The following GAB4 variants were observed in gnomAD, a reference collection of about 807,000 sequenced individuals.
GAB4 encodes the protein GRB2 associated binding protein family member 4.
In GAB4, 26 loss-of-function variants were observed where a neutral mutation model predicts 51.3. The ratio of observed to expected loss-of-function variants is 0.51; its 90% confidence interval spans 0.37 to 0.70. The LOEUF (loss-of-function observed/expected upper bound fraction) is 0.70. GAB4 is among the 30% of genes least tolerant of loss of function. The pLI, the probability that GAB4 is intolerant of heterozygous loss-of-function variation, is 0.00. For missense variants in GAB4, 759 were observed against 734.6 expected, an observed-to-expected ratio of 1.03 and a Z score of -0.38; for synonymous variants, 329 against 291.2, an observed-to-expected ratio of 1.13 and a Z score of -1.32.
At chr22:16,964,950 A>G in intron 7 of GAB4, 88 bp from the exon 8 acceptor site, 1 of 990,828 alleles carries the variant, frequency 1.0e-6, no homozygotes, top group Non-Finnish European at 1.5e-6. Flanking sequence ...CCCTGACTTC[A>G]AGCATCCAGG....
In GAB4 at chr22:17,007,999, TGGCCACTTCTCGTGCTTCCGCCGGCGG is replaced by T; in HGVS notation, c.89_115del (p.Pro30_Gly38del). 6.2e-7 allele frequency: 1 copy of T among 1,612,554 alleles called. No homozygotes were observed. Among genetic ancestry groups the T allele is most frequent in the South Asian group, 1.1e-5 (1 of 90,730 alleles). On this transcript the variant is annotated inframe_deletion, in exon 1 of 10. Transcript: ENST00000400588. Reference sequence around the variant, plus strand: ...CCTCAGCCAGCCGCTGTACAGCACGTGGCCACTTCTCGTGCTTCCGCCGGCGGGGCCACTTCCGGGCCACGAAGACAA... The same window carrying T: ...CCTCAGCCAGCCGCTGTACAGCACGTGGCCACTTCCGGGCCACGAAGACAA...
Position 16,992,134 on chromosome 22 carries a change from T to C in GAB4, c.217A>G (p.Ser73Gly), listed in dbSNP as rs2060919212. Residue 73 changes from serine (S) to glycine (G), a missense_variant, in exon 2 of 10, where the codon AGC becomes GGC. This residue lies in a region of GAB4 where 88 missense variants were observed against 151.3 expected (regional missense o/e 0.58). Coordinates refer to ENST00000400588, the MANE Select transcript of GAB4 (RefSeq NM_001037814.1). ...TATTCCAGAACATCTGGGTCACTGC[T>C]AGTCTGGCCCCTCCGCAGGATAAAC... ...RWFILRRGQT[S>G]SDPDVLEYYK... The C allele has an allele frequency of 1.9e-6, 3 of 1,613,728 alleles. No homozygotes were observed. The East Asian group carries it at 6.7e-5, about 36-fold the overall frequency.
chr22:16,965,137 G>T, intron 7 of GAB4, 41 bp downstream of exon 7: 12 of 1,482,266 alleles, frequency 8.1e-6, no homozygotes, highest in Non-Finnish European at 1.1e-5. Context: ...CTCCTCCACC[G>T]GCCCGGTCCC....
chr22:16,969,891 C>T (rs2060714715), intron 4 of GAB4, 52 bp downstream of exon 4: 6 of 1,607,690 alleles, frequency 3.7e-6, no homozygotes, highest in East Asian at 2.2e-5. Flanking sequence ...CACCAGGTGG[C>T]CCCCAAACTC....
intron 3 of GAB4, among the ~76,000 whole-genome samples, chr22:16,982,365 T>C (rs1449167383): frequency 6.6e-6 from 1 of 152,170 alleles, no homozygotes; most frequent in East Asian, 1.9e-4. Context: ...AAATCAGTAG[T>C]ATTTCTATAT....
intron 1 of GAB4, among the ~76,000 whole-genome samples, chr22:17,006,228 A>T (rs2061038631): frequency 6.6e-6 from 1 of 152,204 alleles, no homozygotes; most frequent in Admixed American, 6.5e-5. Flanking sequence ...ACAGACACTT[A>T]ACAGAAGAAG....
intron 1 of GAB4, among the ~76,000 whole-genome samples, chr22:17,001,687 G>A (rs1048567513): frequency 6.6e-6 from 1 of 152,178 alleles, no homozygotes; most frequent in Non-Finnish European, 1.5e-5. Flanking sequence ...CGTTGCTGTA[G>A]ATGAGCTGCT....
At position 16,968,278 on chromosome 22, in the gene GAB4, C is replaced by G; in HGVS notation, c.1023+20G>C. The G allele has an allele frequency of 6.3e-7, 1 of 1,592,092 alleles. No individual in the cohort carries two copies. Among genetic ancestry groups the G allele is most frequent in the East Asian group, 2.2e-5 (1 of 44,744 alleles). On this transcript the variant is annotated intron_variant, in intron 5 of 9. Coordinates refer to ENST00000400588, the MANE Select transcript of GAB4 (RefSeq NM_001037814.1). ...ACCTCCCTGAGCCAGTCTGGGGACC[C>G]CTGGTTAAGCCATACTCACCAGGAA...
chr22:17,008,187 C>G lies in GAB4; in HGVS notation c.-73G>C. On this transcript the variant is annotated 5_prime_UTR_variant, in exon 1 of 10. Coordinates refer to ENST00000400588, the MANE Select transcript of GAB4 (RefSeq NM_001037814.1). ...GTTGCTGGAGGTGGGGTGTGAGGGA[C>G]GGCTTGCGATACCCTGGGACTGCGG... is the stretch of plus-strand genomic sequence containing the variant. 1 of 1,089,686 alleles carries G rather than the reference C, an allele frequency of 9.2e-7. No individual in the cohort carries two copies. The highest frequency in any genetic ancestry group is 1.4e-5 in the South Asian group (1 of 70,528). 67.5% of individuals were successfully genotyped at this position (1,089,686 alleles called of 1,614,324 possible).
rs2060917016 is a variant in GAB4 at position 16,991,897 on chromosome 22, C to T, written c.454G>A (p.Gly152Ser). The change falls in exon 2 of 10, where the codon GGC becomes AGC. Residue 152 changes from glycine to serine, a missense_variant. This residue lies in a region of GAB4 where 88 missense variants were observed against 151.3 expected (regional missense o/e 0.58). Coordinates refer to ENST00000400588, the MANE Select transcript of GAB4 (RefSeq NM_001037814.1). ...CCTGTGCTTTCCTCCTGCCTGAAGC[C>T]ACAGATCTGACAGATGCTCTGGACC... The part of the protein sequence containing the change: ...EWVQSICQIC[G>S]FRQEESTGFL... 6.2e-7 allele frequency: 1 copy of T among 1,613,886 alleles called. No homozygotes were observed. Among genetic ancestry groups the T allele is most frequent in the Non-Finnish European group, 8.5e-7 (1 of 1,179,892 alleles).
intron 3 of GAB4, among the ~76,000 whole-genome samples, chr22:16,970,503 C>G (rs149095304): frequency 2.0e-5 from 3 of 152,290 alleles, no homozygotes; most frequent in Non-Finnish European, 4.4e-5. Context: ...TTATTCCTCT[C>G]CCCCAATGGC....
chr22:16,992,260 T>G (rs1456831776), intron 1 of GAB4, 84 bp from the exon 2 acceptor site: 25 of 1,246,718 alleles, frequency 2.0e-5, no homozygotes, highest in Non-Finnish European at 2.7e-5. Context: ...AAGTTAAGGA[T>G]GGGACTCGGA....
Position 16,963,711 on chromosome 22 carries a change from T to C in GAB4, c.1581+14A>G, listed in dbSNP as rs765013240. ...CCCAAGGGCTCTGCCCAACCCCAGCTCCACCCCAGGCACCTTGCTCGGCTG... is the reference window on the plus strand; with the variant it reads ...CCCAAGGGCTCTGCCCAACCCCAGCCCCACCCCAGGCACCTTGCTCGGCTG... On this transcript the variant is annotated intron_variant, in intron 9 of 9. Coordinates refer to ENST00000400588, the MANE Select transcript of GAB4 (RefSeq NM_001037814.1). 1.2e-5 allele frequency: 19 copies of C among 1,603,270 alleles called. No individual in the cohort carries two copies. Among genetic ancestry groups the C allele is most frequent in the Non-Finnish European group, 1.6e-5 (19 of 1,172,030 alleles).
chr22:16,979,251 C>T (rs1292112201), intron 3 of GAB4, among the ~76,000 whole-genome samples: 1 of 152,222 alleles, frequency 6.6e-6, no homozygotes, highest in Non-Finnish European at 1.5e-5. Flanking sequence ...TCTCTGTTTG[C>T]AGATGACATG....
intron 3 of GAB4, among the ~76,000 whole-genome samples, chr22:16,970,961 C>T (rs2060725759): frequency 6.6e-6 from 1 of 151,904 alleles, no homozygotes; most frequent in Non-Finnish European, 1.5e-5. Flanking sequence ...TTTAGGAAGC[C>T]CAGACAGGCA....
At chr22:16,994,190 T>A (rs2060933925) in intron 1 of GAB4, among the ~76,000 whole-genome samples, 1 of 152,206 alleles carries the variant, frequency 6.6e-6, no homozygotes, top group African/African-American at 2.4e-5. Context: ...CTCTCCTGTT[T>A]TGTGAAATCA....
intron 1 of GAB4, among the ~76,000 whole-genome samples, chr22:17,000,882 T>C (rs1040378939): frequency 7.2e-5 from 11 of 152,228 alleles, no homozygotes; most frequent in Admixed American, 5.2e-4. Flanking sequence ...GGATTTTATT[T>C]CTCCTTCACT....
intron 3 of GAB4, among the ~76,000 whole-genome samples, chr22:16,973,241 T>C (rs756909451): frequency 1.3e-5 from 2 of 152,230 alleles, no homozygotes; most frequent in Non-Finnish European, 2.9e-5. Flanking sequence ...AGACTATGAT[T>C]TCCCTGAGGA....
intron 8 of GAB4, among the ~76,000 whole-genome samples, chr22:16,964,173 T>C (rs1247459443): frequency 6.6e-6 from 1 of 151,998 alleles, no homozygotes; most frequent in Admixed American, 6.5e-5. Context: ...CCTTGGCAGC[T>C]CTCCAGGAGA....
Sources: gnomAD v4.1 joint callset for allele counts (sites outside exome capture counted in the v4.1 genomes callset) on GRCh38, gnomAD v4.1.1 for gene constraint, gnomAD v4.1.1 regional missense constraint, MANE v1.5 for transcripts, NCBI Gene and HGNC (gene_info 2026-07-23, HGNC 2026-07-21) for gene names.